The following DHX33 variants were observed in gnomAD, a reference collection of about 807,000 sequenced individuals.
DHX33 encodes the protein ATP-dependent RNA helicase DHX33.
In DHX33, 42 loss-of-function variants were observed where a neutral mutation model predicts 72.5. The observed-to-expected ratio is 0.58, with a 90% CI of 0.45 to 0.75. The LOEUF is 0.75. Ranked by LOEUF, DHX33 falls within the 30% of genes least tolerant of loss-of-function variation. DHX33 has a pLI of 0.00. For missense variants in DHX33, 842 were observed against 917.5 expected (o/e 0.92, Z 1.06); for synonymous variants, 358 against 366.1 (o/e 0.98, Z 0.25).
At chr17:5,462,711 A>T (rs1597364290) in intron 2 of DHX33, among the ~76,000 whole-genome samples, 165 bp from the exon 3 acceptor site, 1 of 152,318 alleles carries the variant, frequency 6.6e-6, no homozygotes, top group Middle Eastern at 3.4e-3. Flanking sequence ...ACAATGGTCA[A>T]GTTTACTTTA....
rs143037292 is a variant in DHX33, at chr17:5,456,869, C to T, written c.850-687G>A. On this transcript the variant is annotated intron_variant, in intron 4 of 11. Transcript: ENST00000225296. ...TGGAGAAGGAGCCTTTAATGAATGACGCCGTCGAAAGCGCTTTCACACGCC... is the reference window on the plus strand; with the variant it reads ...TGGAGAAGGAGCCTTTAATGAATGATGCCGTCGAAAGCGCTTTCACACGCC... Among the ~76,000 whole-genome samples, 205 of 152,268 alleles carry T rather than the reference C, an allele frequency of 1.3e-3. 2 individuals are homozygous for T. The highest frequency in any genetic ancestry group is 4.8e-3 in the African/African-American group (198 of 41,552).
At chr17:5,454,240 G>T (rs149606371) in intron 6 of DHX33, among the ~76,000 whole-genome samples, 3 of 152,184 alleles carry the variant, frequency 2.0e-5, no homozygotes, top group Admixed American at 6.5e-5. Flanking sequence ...GGGGCGAGAA[G>T]AGTAGTTTCC....
In DHX33 at chr17:5,453,923, C is replaced by G. The variant is rs893940538; in HGVS notation, c.1205G>C (p.Arg402Pro). 1.2e-6 allele frequency: 2 copies of G among 1,614,100 alleles called. No homozygotes were observed. Among genetic ancestry groups the G allele is most frequent in the Non-Finnish European group, 1.7e-6 (2 of 1,180,036 alleles). ...QRVSKTQAWQ[R>P]TGRAGREDSG... ...GTCCTCTCTGCCAGCCCTCCCTGTGCGCTGCCAAGCCTGCGTCTTCGATAC... is the reference window on the plus strand; with the variant it reads ...GTCCTCTCTGCCAGCCCTCCCTGTGGGCTGCCAAGCCTGCGTCTTCGATAC... The change falls in exon 7 of 12, where the codon CGC becomes CCC. Residue 402 changes from arginine (R) to proline (P), a missense_variant. By Grantham distance (103) the Arg-to-Pro change is moderately radical. Transcript: ENST00000225296.
Position 5,448,772 on chromosome 17 carries a change from G to A in DHX33, c.1815+37C>T, listed in dbSNP as rs377732782. 216 of 1,494,096 alleles carry A rather than the reference G, an allele frequency of 1.4e-4. 1 individual carries two copies. In the South Asian group the frequency reaches 1.8e-3, roughly 12 times the overall value. The allele number at this position is 1,494,096 out of a possible 1,614,324, so 92.6% of individuals were successfully genotyped here. On this transcript the variant is annotated intron_variant, in intron 11 of 11. Coordinates refer to ENST00000225296, the MANE Select transcript of DHX33 (RefSeq NM_020162.4). ...AATTTCTACCTTGAACAAAGTGACA[G>A]CTTTGTCACCCACAGAACACTAGGA...
At chr17:5,446,433 T>C (rs1424818128) in intron 11 of DHX33, among the ~76,000 whole-genome samples, 1 of 152,206 alleles carries the variant, frequency 6.6e-6, no homozygotes, top group Non-Finnish European at 1.5e-5. Flanking sequence ...TTTAACCTGA[T>C]TAGGCTTAGT....
intron 11 of DHX33, among the ~76,000 whole-genome samples, chr17:5,445,652 A>G (rs1386918366): frequency 1.3e-5 from 2 of 152,224 alleles, no homozygotes; most frequent in African/African-American, 4.8e-5. Flanking sequence ...TCTTCCAGGC[A>G]TCTTTTAGGT....
In DHX33 at chr17:5,468,567, T is replaced by C; in HGVS notation, c.289+4A>G. 1 of 1,605,568 alleles carries C rather than the reference T, an allele frequency of 6.2e-7. No individual in the cohort carries two copies. Among genetic ancestry groups the C allele is most frequent in the Non-Finnish European group, 8.5e-7 (1 of 1,176,824 alleles). Reference sequence around the variant, plus strand: ...AGGAAGAGCCCGCCGGCGCGGCCACTCACCGATGAGGACCGCGTTGTCCAG... The same window carrying C: ...AGGAAGAGCCCGCCGGCGCGGCCACCCACCGATGAGGACCGCGTTGTCCAG... On this transcript the variant is annotated splice_donor_region_variant and intron_variant, in intron 1 of 11. Transcript: ENST00000225296.
chr17:5,461,215 T>G lies in DHX33; in HGVS notation c.679-106A>C. 3 of 1,201,786 alleles carry G rather than the reference T, an allele frequency of 2.5e-6. No individual in the cohort carries two copies. The South Asian group carries it at 4.6e-5, about 18-fold the overall frequency. 74.4% of individuals were successfully genotyped at this position (1,201,786 alleles called of 1,614,324 possible). A position where few individuals can be genotyped will look rare whatever the true frequency, so the allele number is the denominator to read the frequency against. ...ATGATTGAGGCCTGTGCCACCCCCA[T>G]CACAGTTTACTTTCTTCCAAGGCTC... On this transcript the variant is annotated intron_variant, in intron 3 of 11. Transcript: ENST00000225296.
chr17:5,468,834 G>T lies in DHX33; in HGVS notation c.26C>A (p.Pro9Gln), dbSNP rs533518080. 6.4e-7 allele frequency: 1 copy of T among 1,566,580 alleles called. No homozygotes were observed. Among genetic ancestry groups the T allele is most frequent in the African/African-American group, 1.4e-5 (1 of 73,692 alleles). Residue 9 changes from proline to glutamine, a missense_variant, in exon 1 of 12, where the codon CCG becomes CAG. Coordinates refer to ENST00000225296, the MANE Select transcript of DHX33 (RefSeq NM_020162.4). MPEEAGFP[P>Q]AKRFRPGSGP... ...AGAGCCTGGCCGGAATCTCTTGGCC[G>T]GCGGGAAGCCCGCCTCCTCCGGCAT...
At chr17:5,463,428 A>G (rs995852468) in intron 2 of DHX33, 101 bp downstream of exon 2, 2 of 1,226,676 alleles carry the variant, frequency 1.6e-6, no homozygotes, top group Non-Finnish European at 2.3e-6. Context: ...AAAGCAGCTC[A>G]CTATGTAAAA....
chr17:5,463,518 G>A lies in DHX33; in HGVS notation c.450+11C>T. On this transcript the variant is annotated intron_variant, in intron 2 of 11. Transcript: ENST00000225296. ...TCAAGAAGTACTAATAGTCAAGAAG[G>A]AACCAGGTACCAGCTTCCCAAGTTC... The A allele has an allele frequency of 1.2e-6, 2 of 1,613,486 alleles. No homozygotes were observed. Among genetic ancestry groups the A allele is most frequent in the Non-Finnish European group, 1.7e-6 (2 of 1,179,690 alleles).
chr17:5,460,333 G>A (rs532676206), intron 4 of DHX33, among the ~76,000 whole-genome samples: 2 of 151,942 alleles, frequency 1.3e-5, no homozygotes, highest in East Asian at 3.9e-4. Flanking sequence ...TCTTAATGGC[G>A]GTTATAATCA....
At position 5,450,810 on chromosome 17, in the gene DHX33, G is replaced by A. The variant is rs1245129674; in HGVS notation, c.1521C>T (p.Ala507=). 6.2e-6 allele frequency: 10 copies of A among 1,614,004 alleles called. No individual in the cohort carries two copies. Among genetic ancestry groups the A allele is most frequent in the East Asian group, 2.2e-5 (1 of 44,886 alleles). The change falls in exon 9 of 12, where the codon GCC becomes GCT. Residue 507 remains alanine, a synonymous_variant. Transcript: ENST00000225296. ...CTGAGGAGAGGGTATCATTTACTTTGGCAAATTTGGGTTCTAAAGGAAATG... is the reference window on the plus strand; with the variant it reads ...CTGAGGAGAGGGTATCATTTACTTTAGCAAATTTGGGTTCTAAAGGAAATG... ...MAAFPLEPKF[A]KTILMSPKFH...
intron 5 of DHX33, 32 bp from the exon 6 acceptor site, chr17:5,455,303 T>C (rs777346972): frequency 1.0e-5 from 16 of 1,559,490 alleles, no homozygotes; most frequent in African/African-American, 1.4e-5. Flanking sequence ...AAAAGCCGCA[T>C]TGACACACGG....
chr17:5,450,222 T>C lies in DHX33; in HGVS notation c.1709A>G (p.Lys570Arg). 6.2e-7 allele frequency: 1 copy of C among 1,614,252 alleles called. No individual in the cohort carries two copies. Among genetic ancestry groups the C allele is most frequent in the Non-Finnish European group, 8.5e-7 (1 of 1,180,042 alleles). ...MTLLNIYRTFKNLGGNKDWCK... is the reference protein window; with the variant it reads ...MTLLNIYRTFRNLGGNKDWCK... ...GCTCACCTTATTTCCGCCTAGGTTT[T>C]TGAAGGTCCGATAGATATTGAGCAG... is the stretch of plus-strand genomic sequence containing the variant. Residue 570 changes from lysine to arginine, a missense_variant, in exon 10 of 12, where the codon AAA becomes AGA. Transcript: ENST00000225296.
At chr17:5,451,996 A>G (rs932115841) in intron 8 of DHX33, among the ~76,000 whole-genome samples, 4 of 152,150 alleles carry the variant, frequency 2.6e-5, no homozygotes, top group Non-Finnish European at 5.9e-5. Flanking sequence ...CGCATATAGT[A>G]AAACAGTGAA....
chr17:5,454,519 T>C lies in DHX33; in HGVS notation c.1148-539A>G, dbSNP rs145121048. 2.2e-4 allele frequency among the ~76,000 whole-genome samples: 34 copies of C among 152,318 alleles called. No homozygotes were observed. The East Asian group carries it at 5.6e-3, about 25-fold the overall frequency. On this transcript the variant is annotated intron_variant, in intron 6 of 11. Coordinates refer to ENST00000225296, the MANE Select transcript of DHX33 (RefSeq NM_020162.4). The stretch of plus-strand genomic sequence containing the variant: ...TCATTTTCTTGATAAAGGTGTATCA[T>C]TAGCCTGGCACTGGAGACCCAAGCT...
At position 5,459,305 on chromosome 17, in the gene DHX33, C is replaced by T. The variant is rs116784043; in HGVS notation, c.849+1634G>A. 2.1e-3 allele frequency among the ~76,000 whole-genome samples: 320 copies of T among 151,878 alleles called. 1 individual carries two copies. The highest frequency in any genetic ancestry group is 6.1e-3 in the African/African-American group (253 of 41,420). On this transcript the variant is annotated intron_variant, in intron 4 of 11. Transcript: ENST00000225296. The stretch of plus-strand genomic sequence containing the variant: ...AACATTAAATTTTATACAAATTAAA[C>T]AAAAGTGACTTAATGATTCAAATTT...
chr17:5,453,154 C>T (rs913930384), intron 8 of DHX33, among the ~76,000 whole-genome samples: 4 of 152,198 alleles, frequency 2.6e-5, no homozygotes, highest in Non-Finnish European at 5.9e-5. Flanking sequence ...TCTGTAGTAT[C>T]CCAAGGACTC....
Sources: allele counts gnomAD v4.1 joint callset (sites outside exome capture counted in the v4.1 genomes callset), GRCh38; gene constraint gnomAD v4.1.1; transcripts MANE v1.5; gene names NCBI Gene and HGNC (gene_info 2026-07-23, HGNC 2026-07-21).